Variants in IRAG1 observed in about 807,000 individuals in gnomAD.
IRAG1 encodes inositol 1,4,5-triphosphate receptor associated 1.
A neutral mutation model predicts 106.2 loss-of-function variants in IRAG1; 62 were observed. That is an observed-to-expected ratio of 0.58 (90% CI 0.48 to 0.72). The LOEUF (loss-of-function observed/expected upper bound fraction) is 0.72. IRAG1 is among the 30% of genes least tolerant of loss of function. The probability of loss-of-function intolerance (pLI) is 0.00; values close to 1 mark genes in which losing one functional copy is unlikely to be tolerated. For synonymous variants in IRAG1, 462 were observed against 443.9 expected (o/e 1.04, Z -0.51); for missense variants, 1,064 against 1,140.7 (o/e 0.93, Z 0.97).
intron 14 of IRAG1, among the ~76,000 whole-genome samples, chr11:10,601,879 C>T (rs554349896): frequency 1.4e-4 from 21 of 152,270 alleles, no homozygotes; most frequent in South Asian, 2.1e-4. Flanking sequence ...GCAGCCAAGA[C>T]GAGGGAGCCA....
At chr11:10,625,402 G>T (rs965567541) in intron 9 of IRAG1, among the ~76,000 whole-genome samples, 3 of 152,186 alleles carry the variant, frequency 2.0e-5, no homozygotes, top group African/African-American at 7.2e-5. Context: ...GGAGACCGCT[G>T]TGCCTGGTTT....
chr11:10,692,139 G>A (rs1862102731), intron 1 of IRAG1, among the ~76,000 whole-genome samples: 1 of 151,944 alleles, frequency 6.6e-6, no homozygotes, highest in African/African-American at 2.4e-5. Context: ...TTACCTCCAA[G>A]CATAAAGATA....
chr11:10,674,352 A>T (rs1243567575), intron 1 of IRAG1, among the ~76,000 whole-genome samples: 2 of 152,192 alleles, frequency 1.3e-5, no homozygotes. Flanking sequence ...GAGTTCTGCT[A>T]GCAAAGACAT....
intron 1 of IRAG1, among the ~76,000 whole-genome samples, chr11:10,656,504 A>C (rs1452266433): frequency 6.6e-6 from 1 of 152,188 alleles, no homozygotes; most frequent in Non-Finnish European, 1.5e-5. Context: ...AAGTTCCTAA[A>C]CCATATTTAA....
chr11:10,668,609 C>G (rs113353104), intron 1 of IRAG1, among the ~76,000 whole-genome samples: 40 of 152,354 alleles, frequency 2.6e-4, no homozygotes, highest in African/African-American at 9.1e-4. Context: ...GAAATATGTA[C>G]TAGCTGCCTT....
At chr11:10,618,085 C>T (rs766358192) in intron 10 of IRAG1, among the ~76,000 whole-genome samples, 3 of 152,216 alleles carry the variant, frequency 2.0e-5, no homozygotes, top group Non-Finnish European at 4.4e-5. Context: ...ACTGTTCCCA[C>T]CTTGTTGCCC....
intron 2 of IRAG1, among the ~76,000 whole-genome samples, chr11:10,643,841 A>G (rs978153644): frequency 6.6e-6 from 1 of 152,216 alleles, no homozygotes; most frequent in Non-Finnish European, 1.5e-5. Flanking sequence ...AGTAGCTCAC[A>G]CATAGCCTGA....
At chr11:10,600,369 C>T (rs1480169588) in intron 15 of IRAG1, among the ~76,000 whole-genome samples, 1 of 152,216 alleles carries the variant, frequency 6.6e-6, no homozygotes, top group African/African-American at 2.4e-5. Context: ...CAGGTTTCAC[C>T]CCTCACCTGG....
chr11:10,591,991 T>C (rs917656912), intron 17 of IRAG1, among the ~76,000 whole-genome samples: 2 of 152,200 alleles, frequency 1.3e-5, no homozygotes, highest in Non-Finnish European at 2.9e-5. Context: ...TACAATAGAT[T>C]CACACAAGCC....
At chr11:10,676,359 C>T (rs1860670606) in intron 1 of IRAG1, among the ~76,000 whole-genome samples, 1 of 152,206 alleles carries the variant, frequency 6.6e-6, no homozygotes. Flanking sequence ...CATTTTCGCC[C>T]ATGCGGTCCC....
In IRAG1 at chr11:10,647,259, C is replaced by T. The variant is rs891924293; in HGVS notation, c.225+4766G>A. ...AGGCTGCCTGGGCCCAGATCCTGGGCCTGCCACTTATGAGCTGTATGACCT... is the reference window on the plus strand; with the variant it reads ...AGGCTGCCTGGGCCCAGATCCTGGGTCTGCCACTTATGAGCTGTATGACCT... On this transcript the variant is annotated intron_variant, in intron 2 of 20. Coordinates refer to ENST00000423302, the MANE Select transcript of IRAG1 (RefSeq NM_130385.4). This position sits in a 1 kb window ranked among gnomAD's most constrained non-coding sequence, Gnocchi z 4.3. Among the ~76,000 whole-genome samples the T allele has an allele frequency of 2.6e-5, 4 of 152,186 alleles. No individual in the cohort carries two copies. Among genetic ancestry groups the T allele is most frequent in the African/African-American group, 9.7e-5 (4 of 41,448 alleles).
intron 2 of IRAG1, among the ~76,000 whole-genome samples, chr11:10,643,611 T>C (rs1370936307): frequency 6.6e-6 from 1 of 152,192 alleles, no homozygotes; most frequent in Non-Finnish European, 1.5e-5. Context: ...CCTTCCTCCC[T>C]TCCTAACACT....
At chr11:10,680,531 G>GGAA (rs1861161310) in intron 1 of IRAG1, among the ~76,000 whole-genome samples, 1 of 136,690 alleles carries the variant, frequency 7.3e-6, no homozygotes, top group Non-Finnish European at 1.5e-5. Flanking sequence ...AAGAAAGGAA[G>GGAA]GAAGGAAGGG....
At chr11:10,672,465 C>A (rs1402303672) in intron 1 of IRAG1, among the ~76,000 whole-genome samples, 1 of 152,094 alleles carries the variant, frequency 6.6e-6, no homozygotes, top group Admixed American at 6.6e-5. Flanking sequence ...GAATAAAGAA[C>A]TCTTATAATG....
chr11:10,648,824 C>T (rs975620817), intron 2 of IRAG1, among the ~76,000 whole-genome samples: 2 of 152,006 alleles, frequency 1.3e-5, no homozygotes, highest in African/African-American at 4.8e-5. Flanking sequence ...TGTGTGTATG[C>T]GTGTGTACGT....
At chr11:10,589,954 A>C (rs757291782) in intron 18 of IRAG1, among the ~76,000 whole-genome samples, 1 of 152,154 alleles carries the variant, frequency 6.6e-6, no homozygotes, top group African/African-American at 2.4e-5. Context: ...AGTTCTACAG[A>C]GTTCAGGCCC....
At position 10,591,574 on chromosome 11, in the gene IRAG1, A is replaced by G; in HGVS notation, c.2214T>C (p.Thr738=). Reference sequence around the variant, plus strand: ...TTTCCAAAAGTGCAGGCAGTGCTGAAGTGACAGGTAGGCTGCCTTTCCCAT... The same window carrying G: ...TTTCCAAAAGTGCAGGCAGTGCTGAGGTGACAGGTAGGCTGCCTTTCCCAT... ...SPNGKGSLPV[T]SALPALLENG... Residue 738 remains threonine (T), a synonymous_variant, in exon 18 of 21, where the codon ACT becomes ACC. Transcript: ENST00000423302. 6.3e-7 allele frequency: 1 copy of G among 1,598,484 alleles called. No individual in the cohort carries two copies. Among genetic ancestry groups the G allele is most frequent in the Non-Finnish European group, 8.5e-7 (1 of 1,172,426 alleles).
chr11:10,654,240 C>T (rs1858748330), intron 1 of IRAG1, among the ~76,000 whole-genome samples: 1 of 152,126 alleles, frequency 6.6e-6, no homozygotes, highest in Non-Finnish European at 1.5e-5. Context: ...ACAGACCCCC[C>T]AGCCAACACA....
intron 2 of IRAG1, among the ~76,000 whole-genome samples, chr11:10,634,503 C>T (rs1201151192): frequency 6.6e-6 from 1 of 152,188 alleles, no homozygotes; most frequent in Non-Finnish European, 1.5e-5. Context: ...GTATTCACCT[C>T]ATAACCAAAA....
Sources: allele counts gnomAD v4.1 joint callset (sites outside exome capture counted in the v4.1 genomes callset), GRCh38; gene constraint gnomAD v4.1.1; non-coding constraint Gnocchi (gnomAD v3.1); transcripts MANE v1.5; gene names NCBI Gene and HGNC (gene_info 2026-07-23, HGNC 2026-07-21).